CELF2: variants seen among roughly 807,000 people sequenced by gnomAD.
CELF2 encodes CUGBP Elav-like family member 2.
A neutral mutation model predicts 62.6 loss-of-function variants in CELF2; 8 were observed. The observed-to-expected ratio is 0.13, with a 90% CI of 0.07 to 0.23. The LOEUF is 0.23. Ranked by LOEUF, CELF2 falls within the 10% of genes least tolerant of loss-of-function variation. The pLI, the probability that CELF2 is intolerant of heterozygous loss-of-function variation, is 1.00. For synonymous variants in CELF2, 258 were observed against 250.0 expected (o/e 1.03, Z -0.30); for missense variants, 333 against 671.0 (o/e 0.50, Z 5.56).
chr10:10,902,871 G>A (rs1044929682), intron 1 of CELF2, among the ~76,000 whole-genome samples: 8 of 122,876 alleles, frequency 6.5e-5, no homozygotes, highest in Non-Finnish European at 1.1e-4. Flanking sequence ...GAGAGGAAGC[G>A]AATATAGGCA....
chr10:11,118,804 T>A (rs2057115946), intron 1 of CELF2, among the ~76,000 whole-genome samples: 1 of 152,224 alleles, frequency 6.6e-6, no homozygotes, highest in Non-Finnish European at 1.5e-5. Flanking sequence ...TCACTTCTCT[T>A]GTCCTTGAAT....
chr10:10,598,724 A>ATTTTCTTTTTCT, the CELF2 span, among the ~76,000 whole-genome samples: 2 of 76,264 alleles, frequency 2.6e-5, no homozygotes, highest in African/African-American at 4.4e-5. Context: ...TCAAGGGCTG[A>ATTTTCTTTTTCT]TTTTCTTTTT....
At chr10:10,724,254 T>G in the CELF2 span, among the ~76,000 whole-genome samples, 1 of 152,228 alleles carries the variant, frequency 6.6e-6, no homozygotes, top group African/African-American at 2.4e-5. Context: ...ATTTGGGGTA[T>G]TCATTTCATG....
the CELF2 span, among the ~76,000 whole-genome samples, chr10:10,765,953 C>A: frequency 2.0e-5 from 3 of 152,184 alleles, no homozygotes; most frequent in East Asian, 1.9e-4. Flanking sequence ...CAGACACAAG[C>A]GCACTGGGCC....
intron 1 of CELF2, among the ~76,000 whole-genome samples, chr10:10,830,140 T>A (rs975948356): frequency 6.6e-6 from 1 of 152,156 alleles, no homozygotes; most frequent in Non-Finnish European, 1.5e-5. Flanking sequence ...TGTATAAGAC[T>A]CCTCTTTTGA....
At chr10:10,588,929 G>A in the CELF2 span, among the ~76,000 whole-genome samples, 133 of 152,150 alleles carry the variant, frequency 8.7e-4, no homozygotes, top group East Asian at 8.9e-3. Flanking sequence ...CAACTTACCC[G>A]GTCCTATAAA....
In CELF2 at chr10:11,246,022, G is replaced by A. The variant is rs1347157844; in HGVS notation, c.355-3131G>A. ...TTCATACCTGTCAGCCGAGAGCACT[G>A]ACTGCGTGATTTCCAGGGTCCTTTA... On this transcript the variant is annotated intron_variant, in intron 3 of 12. Transcript: ENST00000633077. The surrounding 1 kb of genome is among the most constrained non-coding windows in gnomAD (Gnocchi z 4.6). 6.6e-6 allele frequency among the ~76,000 whole-genome samples: 1 copy of A among 152,162 alleles called. No individual in the cohort carries two copies. Among genetic ancestry groups the A allele is most frequent in the African/African-American group, 2.4e-5 (1 of 41,418 alleles).
intron 1 of CELF2, among the ~76,000 whole-genome samples, chr10:11,132,164 G>C (rs935858853): frequency 1.3e-5 from 2 of 152,188 alleles, no homozygotes; most frequent in African/African-American, 2.4e-5. Flanking sequence ...TAACAATTTT[G>C]CTGCCAATTA....
chr10:10,932,690 G>T (rs911482542), intron 2 of CELF2, among the ~76,000 whole-genome samples: 5 of 147,520 alleles, frequency 3.4e-5, no homozygotes, highest in Non-Finnish European at 7.5e-5. Context: ...GTGTGTGTGT[G>T]TGTGTATATA....
rs866703950 is a variant in CELF2, at chr10:11,131,294, C to A, written c.75-34192C>A. On this transcript the variant is annotated intron_variant, in intron 1 of 12. Coordinates refer to ENST00000633077, the MANE Select transcript of CELF2 (RefSeq NM_001326342.2). ...TAGCTTCAGGGAGAATACGCTGGAG[C>A]AAGAAGCACGAGGACTCCTGGGACT... Among the ~76,000 whole-genome samples, 3 of 152,144 alleles carry A rather than the reference C, an allele frequency of 2.0e-5. No homozygotes were observed. In the South Asian group the frequency reaches 6.2e-4, roughly 31 times the overall value.
At chr10:10,464,312 G>T in the CELF2 span, among the ~76,000 whole-genome samples, 1 of 152,044 alleles carries the variant, frequency 6.6e-6, no homozygotes, top group East Asian at 1.9e-4. Context: ...AGTTATAATT[G>T]GAATAAATTG....
the CELF2 span, among the ~76,000 whole-genome samples, chr10:10,490,968 TG>T: frequency 6.6e-6 from 1 of 152,090 alleles, no homozygotes; most frequent in African/African-American, 2.4e-5. Flanking sequence ...GAGGAGCAAA[TG>T]GTATGAAGTT....
chr10:10,568,403 G>A, the CELF2 span, among the ~76,000 whole-genome samples: 1 of 152,174 alleles, frequency 6.6e-6, no homozygotes, highest in Non-Finnish European at 1.5e-5. Context: ...TGTAAATGAA[G>A]TTTACAAAAG....
At chr10:10,622,242 G>A in the CELF2 span, among the ~76,000 whole-genome samples, 1 of 152,128 alleles carries the variant, frequency 6.6e-6, no homozygotes, top group Non-Finnish European at 1.5e-5. Flanking sequence ...TGAGTGTTTT[G>A]GTTTTGAGAT....
chr10:11,206,445 A>C (rs1170327901), intron 2 of CELF2, among the ~76,000 whole-genome samples: 1 of 152,260 alleles, frequency 6.6e-6, no homozygotes, highest in Non-Finnish European at 1.5e-5. Context: ...GTACTTTAGA[A>C]ACTAAATCCT....
In CELF2 at chr10:11,334,434, C is replaced by A. The variant is rs2096082284; in HGVS notation, c.*5381C>A. 1 of 152,646 alleles carries A rather than the reference C, an allele frequency of 6.6e-6. No individual in the cohort carries two copies. The highest frequency in any genetic ancestry group is 1.5e-5 in the Non-Finnish European group (1 of 68,032). The allele number at this position is 152,646 out of a possible 1,614,324, so 9.5% of individuals were successfully genotyped here. ...GATACATCTGCACACCTCACTGTTT[C>A]ACGTATCTGTTTTTTTCTCTATGTT... On this transcript the variant is annotated 3_prime_UTR_variant, in exon 13 of 13. Transcript: ENST00000633077.
At chr10:10,631,078 A>G in the CELF2 span, among the ~76,000 whole-genome samples, 1 of 152,190 alleles carries the variant, frequency 6.6e-6, no homozygotes, top group Non-Finnish European at 1.5e-5. Flanking sequence ...TTTCTTTAAT[A>G]AAAAACACAG....
At chr10:10,613,368 T>A in the CELF2 span, among the ~76,000 whole-genome samples, 1 of 152,188 alleles carries the variant, frequency 6.6e-6, no homozygotes, top group Non-Finnish European at 1.5e-5. Flanking sequence ...AATATCATAC[T>A]GGATTTAATT....
rs2046616220 is a variant in CELF2, at chr10:10,938,023, C to T, written c.89+18024C>T. 6.6e-6 allele frequency among the ~76,000 whole-genome samples: 1 copy of T among 152,174 alleles called. No individual in the cohort carries two copies. On this transcript the variant is annotated intron_variant, in intron 2 of 13. Coordinates refer to the CELF2 transcript ENST00000636488. This position sits in a 1 kb window ranked among gnomAD's most constrained non-coding sequence, Gnocchi z 4.2. Reference sequence around the variant, plus strand: ...CTCTACTTTCGACTCTATTCCCATTCAGTCTATCCCCTCAACTAAAGTAAA... The same window carrying T: ...CTCTACTTTCGACTCTATTCCCATTTAGTCTATCCCCTCAACTAAAGTAAA...
Sources: gnomAD v4.1 joint callset for allele counts (sites outside exome capture counted in the v4.1 genomes callset) on GRCh38, gnomAD v4.1.1 for gene constraint, Gnocchi (gnomAD v3.1) non-coding constraint, MANE v1.5 for transcripts, NCBI Gene and HGNC (gene_info 2026-07-23, HGNC 2026-07-21) for gene names.